Variants in CLN3 observed in about 807,000 individuals in gnomAD.
The protein encoded by CLN3 is battenin.
In CLN3, 49 loss-of-function variants were observed where a neutral mutation model predicts 60.7. The ratio of observed to expected loss-of-function variants is 0.81; its 90% CI spans 0.64 to 1.02. The LOEUF (loss-of-function observed/expected upper bound fraction) is 1.02. Ranked by LOEUF, CLN3 falls within the 50% of genes least tolerant of loss-of-function variation. The probability of loss-of-function intolerance (pLI) is 0.00; values close to 1 mark genes in which losing one functional copy is unlikely to be tolerated. For synonymous variants in CLN3, 256 were observed against 245.8 expected (o/e 1.04, Z -0.39); for missense variants, 516 against 557.4 (o/e 0.93, Z 0.75).
chr16:28,491,832 G>A lies in CLN3; in HGVS notation c.-73C>T. 1 of 1,574,684 alleles carries A rather than the reference G, an allele frequency of 6.4e-7. No homozygotes were observed. Among genetic ancestry groups the A allele is most frequent in the South Asian group, 1.1e-5 (1 of 89,280 alleles). On this transcript the variant is annotated 5_prime_UTR_variant, in exon 2 of 16. Transcript: ENST00000636147. Reference sequence around the variant, plus strand: ...AAGGGGGCTCCCACGGGAGGGATGAGGGTCTGCGACAGGTGACAAGGATCA... The same window carrying A: ...AAGGGGGCTCCCACGGGAGGGATGAAGGTCTGCGACAGGTGACAAGGATCA...
downstream of CLN3, among the ~76,000 whole-genome samples, chr16:28,474,901 C>T (rs1207114491): frequency 6.6e-6 from 1 of 152,028 alleles, no homozygotes; most frequent in Non-Finnish European, 1.5e-5. Context: ...CCAGGAGTTC[C>T]AGTCCAGCCT....
At position 28,491,735 on chromosome 16, in the gene CLN3, G is replaced by C; in HGVS notation, c.25C>G (p.Arg9Gly). Residue 9 changes from arginine (R) to glycine (G), a missense_variant, in exon 2 of 16, where the codon CGG (arginine) becomes GGG (glycine). Arg to Gly is a moderately radical substitution (Grantham distance 125, BLOSUM62 -2). Transcript: ENST00000636147. The stretch of plus-strand genomic sequence containing the variant: ...TCACCCTCGGAATCCGAAAAGCGCC[G>C]CCGCGAGCCTGCACAGCCTCCCATC... MGGCAGSR[R>G]RFSDSEGEET... 1 of 1,613,878 alleles carries C rather than the reference G, an allele frequency of 6.2e-7. No homozygotes were observed. Among genetic ancestry groups the C allele is most frequent in the South Asian group, 1.1e-5 (1 of 91,070 alleles).
In CLN3 at chr16:28,484,032, C is replaced by A; in HGVS notation, c.764G>T (p.Arg255Ile). The stretch of plus-strand genomic sequence containing the variant: ...TGGCTTCGACTCCGGGGCCTCGGTT[C>A]TTATGAGGGGCTGCCGGGCTGCGCT... ...AESAARQPLI[R>I]TEAPESKPGS... Residue 255 changes from arginine to isoleucine, a missense_variant, in exon 10 of 16, where the codon AGA (arginine) becomes ATA (isoleucine). By Grantham distance (97) the Arg-to-Ile change is moderately conservative. Coordinates refer to ENST00000636147, the MANE Select transcript of CLN3 (RefSeq NM_001042432.2). 4 of 1,611,620 alleles carry A rather than the reference C, an allele frequency of 2.5e-6. No homozygotes were observed. The highest frequency in any genetic ancestry group is 3.4e-6 in the Non-Finnish European group (4 of 1,178,996).
chr16:28,475,197 C>G (rs1435908890), downstream of CLN3, among the ~76,000 whole-genome samples: 1 of 152,142 alleles, frequency 6.6e-6, no homozygotes, highest in Admixed American at 6.6e-5. Context: ...CTGCAGTGAG[C>G]TATGATCATG....
chr16:28,487,387 G>A, intron 7 of CLN3, 69 bp downstream of exon 7: 2 of 1,270,738 alleles, frequency 1.6e-6, no homozygotes, highest in Non-Finnish European at 1.2e-6. Flanking sequence ...AGGCTGGGGA[G>A]ACTCTTCCCA....
At position 28,486,917 on chromosome 16, in the gene CLN3, C is replaced by A. The variant is rs533039234; in HGVS notation, c.461-267G>T. 115 of 526,520 alleles carry A rather than the reference C, an allele frequency of 2.2e-4. 1 individual carries two copies. The South Asian group carries it at 2.3e-3, about 11-fold the overall frequency. The allele number at this position is 526,520 out of a possible 1,614,324, so 32.6% of individuals were successfully genotyped here. On this transcript the variant is annotated intron_variant, in intron 7 of 15. Coordinates refer to ENST00000636147, the MANE Select transcript of CLN3 (RefSeq NM_001042432.2). The stretch of plus-strand genomic sequence containing the variant: ...GCCCCTTCATCAGTCTTTTTCTTTT[C>A]TTTTCTTTTTGGAGACGGAGTCTCG...
intron 14 of CLN3, 90 bp downstream of exon 14, chr16:28,482,015 C>T (rs2046104480): frequency 1.1e-6 from 1 of 927,504 alleles, no homozygotes; most frequent in Admixed American, 2.4e-5. Context: ...TTACACTTCC[C>T]ACTGATAGTG....
downstream of CLN3, among the ~76,000 whole-genome samples, chr16:28,471,940 G>A (rs2045953254): frequency 6.6e-6 from 1 of 152,158 alleles, no homozygotes; most frequent in South Asian, 2.1e-4. Flanking sequence ...TGAGGCAGGA[G>A]AATCACTTGA....
At chr16:28,487,352 A>G in intron 7 of CLN3, 104 bp downstream of exon 7, 4 of 950,216 alleles carry the variant, frequency 4.2e-6, no homozygotes, top group Non-Finnish European at 6.8e-6. Context: ...TCTAAGGGTG[A>G]CAGAATGAAT....
At chr16:28,476,450 G>A (rs2045996914), downstream of CLN3, 2 of 152,004 alleles carry the variant, frequency 1.3e-5, no homozygotes, top group African/African-American at 2.4e-5. Context: ...GGAGGCCAAG[G>A]TGTGAGGATT....
At chr16:28,490,713 T>C (rs934942815) in intron 3 of CLN3, among the ~76,000 whole-genome samples, 1 of 147,938 alleles carries the variant, frequency 6.8e-6, no homozygotes, top group Non-Finnish European at 1.5e-5. Context: ...TGAGCCGAGA[T>C]TGCGCCACTG....
downstream of CLN3, among the ~76,000 whole-genome samples, chr16:28,472,791 ACT>A (rs1229142522): frequency 7.9e-5 from 11 of 139,058 alleles, no homozygotes; most frequent in African/African-American, 1.1e-4. Context: ...AAAGAATGAA[ACT>A]CTGTTTCAAA....
downstream of CLN3, chr16:28,476,096 A>C (rs1259898023): frequency 1.3e-5 from 2 of 152,074 alleles, no homozygotes; most frequent in Non-Finnish European, 2.9e-5. Flanking sequence ...CACGTTGTGC[A>C]GGCTGGTCTC....
chr16:28,484,254 G>C, intron 9 of CLN3, 136 bp from the exon 10 acceptor site: 4 of 708,470 alleles, frequency 5.6e-6, no homozygotes, highest in Non-Finnish European at 1.0e-5. Context: ...TGCCTCTAAG[G>C]CTCCTACGCT....
rs1231263831 is a variant in CLN3 at position 28,487,526 on chromosome 16, G to A, written c.390C>T (p.Val130=). Reference sequence around the variant, plus strand: ...AGCTTCCAGCAGCACAAATCCCACTGACGAGAACCCGGGGGCTGAGGGGGT... The same window carrying A: ...AGCTTCCAGCAGCACAAATCCCACTAACGAGAACCCGGGGGCTGAGGGGGT... ...HLLPYSPRVL[V]SGICAAGSFV... Residue 130 remains valine, a synonymous_variant, in exon 7 of 16, where the codon GTC becomes GTT. Coordinates refer to ENST00000636147, the MANE Select transcript of CLN3 (RefSeq NM_001042432.2). 6.2e-7 allele frequency: 1 copy of A among 1,613,940 alleles called. No individual in the cohort carries two copies. Among genetic ancestry groups the A allele is most frequent in the Non-Finnish European group, 8.5e-7 (1 of 1,179,936 alleles).
At position 28,487,657 on chromosome 16, in the gene CLN3, C is replaced by G. The variant is rs751992099; in HGVS notation, c.374+5G>C. 6.2e-7 allele frequency: 1 copy of G among 1,612,522 alleles called. No individual in the cohort carries two copies. The highest frequency in any genetic ancestry group is 2.2e-5 in the East Asian group (1 of 44,842). On this transcript the variant is annotated splice_donor_5th_base_variant and intron_variant, in intron 6 of 15. Transcript: ENST00000636147. ...CACCCTGCCTCCCACTACCCTCACC[C>G]AGACCTGTAGGGCAGCAGGTGAAGG...
At chr16:28,470,801 G>A (rs1230930088), downstream of CLN3, among the ~76,000 whole-genome samples, 2 of 146,402 alleles carry the variant, frequency 1.4e-5, no homozygotes, top group African/African-American at 2.5e-5. Context: ...TACAGGTCAC[G>A]GAGAAGATCA....
At chr16:28,478,421 G>A (rs1448265338) in intron 14 of CLN3, among the ~76,000 whole-genome samples, 1 of 151,616 alleles carries the variant, frequency 6.6e-6, no homozygotes, top group Non-Finnish European at 1.5e-5. Context: ...TTCGAGACCA[G>A]CCTGGGCAAC....
rs2046023015 is a variant in CLN3, at chr16:28,477,855, A to G, written c.1079T>C (p.Leu360Pro). 6.2e-7 allele frequency: 1 copy of G among 1,614,136 alleles called. No individual in the cohort carries two copies. The highest frequency in any genetic ancestry group is 1.1e-5 in the South Asian group (1 of 91,086). Residue 360 changes from leucine to proline, a missense_variant, in exon 15 of 16, where the codon CTG (leucine) becomes CCG (proline). Leu to Pro is a moderately conservative substitution (Grantham distance 98, BLOSUM62 -3). Transcript: ENST00000636147. ...LLQCLNLVFL[L>P]ADVWFGFLPS... ...CAGAAAGCCGAACCACACGTCTGCC[A>G]GCAGGAACACCAGGTTGAGGCACTG...
Sources: gnomAD v4.1 joint callset for allele counts (sites outside exome capture counted in the v4.1 genomes callset) on GRCh38, gnomAD v4.1.1 for gene constraint, MANE v1.5 for transcripts, NCBI Gene and HGNC (gene_info 2026-07-23, HGNC 2026-07-21) for gene names.